PAPSS2: variants seen among roughly 807,000 people sequenced by gnomAD.
PAPSS2 encodes the protein 3'-phosphoadenosine 5'-phosphosulfate synthase 2, also known as bifunctional 3'-phosphoadenosine 5'-phosphosulfate synthase 2.
Under a neutral mutation model 66.5 loss-of-function variants are expected in PAPSS2, and 61 were observed. The ratio of observed to expected loss-of-function variants is 0.92; its 90% CI spans 0.75 to 1.14. The LOEUF (loss-of-function observed/expected upper bound fraction) is 1.14. PAPSS2 is among the 50% of genes most tolerant of loss of function. The pLI is 0.00. For synonymous variants in PAPSS2, 289 were observed against 287.5 expected (o/e 1.01, Z -0.05); for missense variants, 708 against 789.6 (o/e 0.90, Z 1.24).
chr10:87,682,038 G>A (rs925685784), intron 1 of PAPSS2, among the ~76,000 whole-genome samples: 2 of 152,232 alleles, frequency 1.3e-5, no homozygotes, highest in African/African-American at 2.4e-5. Flanking sequence ...GTTAGCACAA[G>A]TAGGCTTTTG....
chr10:87,671,506 A>T (rs1852877784), intron 1 of PAPSS2, among the ~76,000 whole-genome samples: 1 of 152,216 alleles, frequency 6.6e-6, no homozygotes, highest in South Asian at 2.1e-4. Flanking sequence ...GGGTGAATGC[A>T]TACACTCAAG....
At chr10:87,721,718 G>T in intron 7 of PAPSS2, 38 bp from the exon 8 acceptor site, 1 of 1,499,258 alleles carries the variant, frequency 6.7e-7, no homozygotes, top group Non-Finnish European at 9.1e-7. Context: ...TTGGTGGAGA[G>T]CTGAAAATGT....
intron 4 of PAPSS2, among the ~76,000 whole-genome samples, chr10:87,714,540 T>A (rs1056100070): frequency 1.3e-5 from 2 of 152,232 alleles, no homozygotes; most frequent in Non-Finnish European, 2.9e-5. Context: ...CAGGATTTTG[T>A]TGACAATTTG....
chr10:87,709,880 T>C (rs1480831282), intron 2 of PAPSS2, among the ~76,000 whole-genome samples: 1 of 152,252 alleles, frequency 6.6e-6, no homozygotes, highest in African/African-American at 2.4e-5. Flanking sequence ...AATAACTTGC[T>C]GCTGCTGAAG....
At position 87,659,896 on chromosome 10, in the gene PAPSS2, T is replaced by TGCC. The variant is rs2131888705; in HGVS notation, c.-84_-83insCGC. On this transcript the variant is annotated 5_prime_UTR_variant, in exon 1 of 13. Coordinates refer to ENST00000456849, the MANE Select transcript of PAPSS2 (RefSeq NM_001015880.2). ...GTCCGGCAGCCGCTGCTGCTGCTGC[T>TGCC]GCTGCTGCTGCCGCCGCCGCCGCCG... is the stretch of plus-strand genomic sequence containing the variant. 1 of 1,370,322 alleles carries TGCC rather than the reference T, an allele frequency of 7.3e-7. No homozygotes were observed. The highest frequency in any genetic ancestry group is 1.0e-6 in the Non-Finnish European group (1 of 964,896). The allele number at this position is 1,370,322 out of a possible 1,614,324, so 84.9% of individuals were successfully genotyped here. A position where few individuals can be genotyped will look rare whatever the true frequency, so the allele number is the denominator to read the frequency against.
chr10:87,695,210 G>A (rs1478511572), intron 1 of PAPSS2, among the ~76,000 whole-genome samples: 1 of 152,190 alleles, frequency 6.6e-6, no homozygotes, highest in African/African-American at 2.4e-5. Flanking sequence ...CAGATTCAGT[G>A]TCTGGTGAGG....
chr10:87,693,981 A>C (rs988748974), intron 1 of PAPSS2, among the ~76,000 whole-genome samples: 4 of 152,238 alleles, frequency 2.6e-5, no homozygotes, highest in Non-Finnish European at 4.4e-5. Flanking sequence ...ACACTAGAGG[A>C]GTTTGTTTAA....
intron 9 of PAPSS2, among the ~76,000 whole-genome samples, chr10:87,735,119 CCTCT>C (rs1853781019): frequency 2.0e-5 from 3 of 152,122 alleles, no homozygotes; most frequent in Non-Finnish European, 4.4e-5. Flanking sequence ...TTCTGCAAAT[CCTCT>C]AGCTGTGGCC....
At chr10:87,681,860 C>T (rs1312825747) in intron 1 of PAPSS2, among the ~76,000 whole-genome samples, 1 of 152,208 alleles carries the variant, frequency 6.6e-6, no homozygotes, top group African/African-American at 2.4e-5. Flanking sequence ...ATTCATGTTG[C>T]TGCAGGTATC....
chr10:87,675,454 T>G (rs1852932117), intron 1 of PAPSS2, among the ~76,000 whole-genome samples: 1 of 152,228 alleles, frequency 6.6e-6, no homozygotes, highest in Non-Finnish European at 1.5e-5. Flanking sequence ...ACATAATCCC[T>G]TTTGTATTCT....
At chr10:87,729,712 T>C (rs1428948384) in intron 9 of PAPSS2, among the ~76,000 whole-genome samples, 1 of 152,122 alleles carries the variant, frequency 6.6e-6, no homozygotes, top group African/African-American at 2.4e-5. Context: ...AAGCTGAAAT[T>C]GGACCCAGGT....
chr10:87,743,819 A>G (rs909084657), intron 11 of PAPSS2, among the ~76,000 whole-genome samples, 178 bp downstream of exon 11: 1 of 152,146 alleles, frequency 6.6e-6, no homozygotes, highest in Admixed American at 6.5e-5. Flanking sequence ...GAAAAGTGCT[A>G]GAAGGCCAGG....
chr10:87,703,375 G>A (rs1853342992), intron 1 of PAPSS2, among the ~76,000 whole-genome samples: 1 of 151,380 alleles, frequency 6.6e-6, no homozygotes, highest in Non-Finnish European at 1.5e-5. Context: ...ATCCTCCCCA[G>A]ACTTGGGTTA....
At chr10:87,692,278 G>A (rs1853181240) in intron 1 of PAPSS2, among the ~76,000 whole-genome samples, 1 of 152,078 alleles carries the variant, frequency 6.6e-6, no homozygotes, top group African/African-American at 2.4e-5. Flanking sequence ...GCTCTGGGGG[G>A]AATCATACCT....
chr10:87,720,526 G>A (rs1853580966), intron 7 of PAPSS2, among the ~76,000 whole-genome samples: 1 of 152,168 alleles, frequency 6.6e-6, no homozygotes, highest in African/African-American at 2.4e-5. Flanking sequence ...CACTGCCATT[G>A]AAAATTTGAA....
chr10:87,722,113 A>G (rs1289010674), intron 8 of PAPSS2, among the ~76,000 whole-genome samples: 1 of 152,164 alleles, frequency 6.6e-6, no homozygotes, highest in Non-Finnish European at 1.5e-5. Context: ...AGTTTCACAA[A>G]GCTGGAAATT....
At chr10:87,674,041 G>A in intron 1 of PAPSS2, among the ~76,000 whole-genome samples, 1 of 152,054 alleles carries the variant, frequency 6.6e-6, no homozygotes, top group East Asian at 1.9e-4. Context: ...GTGCTTTGTG[G>A]TCTAATGTTC....
At chr10:87,689,354 AAC>A (rs1177477812) in intron 1 of PAPSS2, among the ~76,000 whole-genome samples, 5 of 150,862 alleles carry the variant, frequency 3.3e-5, no homozygotes, top group African/African-American at 9.8e-5. Context: ...AAAAAAAAAA[AAC>A]AAAAAAAACC....
chr10:87,703,465 T>G (rs1251532175), intron 1 of PAPSS2, among the ~76,000 whole-genome samples: 1 of 152,148 alleles, frequency 6.6e-6, no homozygotes, highest in Non-Finnish European at 1.5e-5. Flanking sequence ...CAGACTAGAT[T>G]AAATGCCACC....
Sources: allele counts gnomAD v4.1 joint callset (sites outside exome capture counted in the v4.1 genomes callset), GRCh38; gene constraint gnomAD v4.1.1; transcripts MANE v1.5; gene names NCBI Gene and HGNC (gene_info 2026-07-23, HGNC 2026-07-21).